The following NFKB1 variants were observed in gnomAD, a reference collection of about 807,000 sequenced individuals.
NFKB1 encodes nuclear factor NF-kappa-B p105 subunit.
NFKB1 carries 9 observed loss-of-function variants against 105.1 expected under a neutral mutation model. The ratio of observed to expected loss-of-function variants is 0.09; its 90% CI spans 0.05 to 0.15. The LOEUF (loss-of-function observed/expected upper bound fraction) is 0.15. Ranked by LOEUF, NFKB1 falls within the 10% of genes least tolerant of loss-of-function variation. The pLI is 1.00. For synonymous variants in NFKB1, 440 were observed against 442.2 expected (o/e 1.00, Z 0.06); for missense variants, 830 against 1,203.7 (o/e 0.69, Z 4.59).
At chr4:102,519,549 C>T (rs1740434320) in intron 1 of NFKB1, among the ~76,000 whole-genome samples, 1 of 151,740 alleles carries the variant, frequency 6.6e-6, no homozygotes, top group Non-Finnish European at 1.5e-5. Context: ...GTATTTTTAT[C>T]TTCATAGGTG....
intron 5 of NFKB1, among the ~76,000 whole-genome samples, chr4:102,559,778 T>C (rs1267475750): frequency 6.6e-6 from 1 of 150,520 alleles, no homozygotes; most frequent in Non-Finnish European, 1.5e-5. Flanking sequence ...TCTGTCTATA[T>C]GGAAAAAAAA....
intron 11 of NFKB1, among the ~76,000 whole-genome samples, chr4:102,587,850 A>C (rs1725840362): frequency 6.6e-6 from 1 of 152,196 alleles, no homozygotes; most frequent in African/African-American, 2.4e-5. Flanking sequence ...ACCAGGCAAT[A>C]TAACTGGTCA....
Position 102,537,899 on chromosome 4 carries a change from T to C in NFKB1, c.201T>C (p.His67=), listed in dbSNP as rs1741747740. 3.1e-6 allele frequency: 5 copies of C among 1,612,920 alleles called. No homozygotes were observed. In the South Asian group the frequency reaches 5.5e-5, roughly 18 times the overall value. Residue 67 remains histidine (H), a synonymous_variant, in exon 5 of 24, where the codon CAT becomes CAC. Transcript: ENST00000226574. ...GTTATGTATGTGAAGGCCCATCCCA[T>C]GGTGGACTACCTGGTGCCTCTAGTG... ...RFRYVCEGPS[H]GGLPGASSEK...
chr4:102,556,546 T>G (rs1723002441), intron 5 of NFKB1, among the ~76,000 whole-genome samples: 1 of 151,668 alleles, frequency 6.6e-6, no homozygotes, highest in South Asian at 2.1e-4. Flanking sequence ...CCCAAAGAGG[T>G]CAAGTAGGGT....
chr4:102,577,076 G>T lies in NFKB1; in HGVS notation c.571+37G>T, dbSNP rs541231003. On this transcript the variant is annotated intron_variant, in intron 7 of 23. Coordinates refer to ENST00000226574, the MANE Select transcript of NFKB1 (RefSeq NM_003998.4). Reference sequence around the variant, plus strand: ...TTTCCTGGCCTTGATCCTCCAAGGGGTCCAGGCTTTGGTTTTCATCTGTAT... The same window carrying T: ...TTTCCTGGCCTTGATCCTCCAAGGGTTCCAGGCTTTGGTTTTCATCTGTAT... 326 of 1,585,160 alleles carry T rather than the reference G, an allele frequency of 2.1e-4. 3 individuals carry two copies. The South Asian group carries it at 3.6e-3, about 17-fold the overall frequency.
chr4:102,562,376 T>G (rs771151195), intron 5 of NFKB1, among the ~76,000 whole-genome samples: 39 of 152,314 alleles, frequency 2.6e-4, no homozygotes, highest in Middle Eastern at 3.4e-3. Flanking sequence ...TTAGTGTCAG[T>G]CCCACTCTTT....
intron 4 of NFKB1, among the ~76,000 whole-genome samples, chr4:102,535,739 C>T (rs1019713614): frequency 2.0e-5 from 3 of 152,070 alleles, no homozygotes; most frequent in South Asian, 2.1e-4. Flanking sequence ...TTTAGATACT[C>T]GTATGTAACC....
At chr4:102,595,246 AC>A (rs1429358953) in intron 13 of NFKB1, among the ~76,000 whole-genome samples, 1 of 152,200 alleles carries the variant, frequency 6.6e-6, no homozygotes, top group Non-Finnish European at 1.5e-5. Flanking sequence ...GACAACAGAG[AC>A]CTGACTATTC....
intron 3 of NFKB1, among the ~76,000 whole-genome samples, chr4:102,530,830 AT>A (rs1741241870): frequency 6.6e-6 from 1 of 152,152 alleles, no homozygotes; most frequent in Non-Finnish European, 1.5e-5. Context: ...CTAGGAGTTC[AT>A]GGGAGGGAAA....
chr4:102,551,374 G>GCGCA (rs1553931314), intron 5 of NFKB1, among the ~76,000 whole-genome samples: 6 of 150,568 alleles, frequency 4.0e-5, no homozygotes, highest in African/African-American at 1.5e-4. Flanking sequence ...GTGTGCGCGC[G>GCGCA]CGCATGTGTG....
At chr4:102,510,925 TTG>T in intron 1 of NFKB1, 1 of 1,285,208 alleles carries the variant, frequency 7.8e-7, no homozygotes, top group Non-Finnish European at 1.0e-6. Flanking sequence ...GAAGCATATC[TTG>T]GAGATATGAA....
chr4:102,518,791 TA>T (rs1400466938), intron 1 of NFKB1, among the ~76,000 whole-genome samples: 1 of 152,198 alleles, frequency 6.6e-6, no homozygotes, highest in African/African-American at 2.4e-5. Context: ...CAGCTGGTGC[TA>T]GGGAGCCTCA....
In NFKB1 at chr4:102,606,559, G is replaced by T; in HGVS notation, c.1816G>T (p.Gly606Trp). ...EDVVEDLLRAGADLSLLDRLG... is the reference protein window; with the variant it reads ...EDVVEDLLRAWADLSLLDRLG... ...TGTGGTGGAGGATTTGCTGAGGGCTGGGGCCGACCTGAGCCTTCTGGACCG... is the reference window on the plus strand; with the variant it reads ...TGTGGTGGAGGATTTGCTGAGGGCTTGGGCCGACCTGAGCCTTCTGGACCG... Residue 606 changes from glycine to tryptophan, a missense_variant, in exon 17 of 24, where the codon GGG becomes TGG. By Grantham distance (184) the Gly-to-Trp change is radical. Around this residue, in one of 8 missense-constraint regions of NFKB1, gnomAD observed 418 missense variants for 575.3 expected, o/e 0.73. Transcript: ENST00000226574. 1 of 1,614,186 alleles carries T rather than the reference G, an allele frequency of 6.2e-7. No individual in the cohort carries two copies. The highest frequency in any genetic ancestry group is 8.5e-7 in the Non-Finnish European group (1 of 1,180,034).
At chr4:102,602,532 C>A (rs1485492663) in intron 16 of NFKB1, among the ~76,000 whole-genome samples, 3 of 147,372 alleles carry the variant, frequency 2.0e-5, no homozygotes, top group African/African-American at 5.1e-5. Context: ...GAGTGACGCT[C>A]TGTCTCAAAA....
At chr4:102,570,869 G>C (rs1196909159) in intron 6 of NFKB1, among the ~76,000 whole-genome samples, 2 of 152,134 alleles carry the variant, frequency 1.3e-5, no homozygotes, top group African/African-American at 4.8e-5. Flanking sequence ...CCATGCTCAT[G>C]GATAGGAAGA....
At chr4:102,603,955 G>A (rs556053797) in intron 16 of NFKB1, among the ~76,000 whole-genome samples, 13 of 152,164 alleles carry the variant, frequency 8.5e-5, no homozygotes, top group African/African-American at 1.4e-4. Flanking sequence ...CCACTCTATC[G>A]TGTTTGGTAT....
In NFKB1 at chr4:102,567,134, G is replaced by A. The variant is rs199574943; in HGVS notation, c.406G>A (p.Gly136Ser). The A allele has an allele frequency of 3.4e-5, 55 of 1,613,330 alleles. No individual in the cohort carries two copies. The highest frequency in any genetic ancestry group is 1.6e-4 in the East Asian group (7 of 44,872). The change falls in exon 6 of 24, where the codon GGC becomes AGC. Residue 136 changes from glycine to serine, a missense_variant and splice_region_variant. By Grantham distance (56) the Gly-to-Ser change is moderately conservative. Transcript: ENST00000226574. ...TGCTGGACCCAAGGACATGGTGGTC[G>A]GGTAAGTAGGGGTATATGATGCTGT... Reference protein sequence around the residue: ...VTAGPKDMVVGFANLGILHVT... With the variant: ...VTAGPKDMVVSFANLGILHVT...
rs981423130 is a variant in NFKB1 at position 102,609,635 on chromosome 4, G to C, written c.2228-940G>C. Among the ~76,000 whole-genome samples the C allele has an allele frequency of 2.9e-5, 3 of 103,284 alleles. No homozygotes were observed. The South Asian group carries it at 8.7e-4, about 30-fold the overall frequency. 67.8% of individuals were successfully genotyped at this position (103,284 alleles called of 152,430 possible). A position where few individuals can be genotyped will look rare whatever the true frequency, so the allele number is the denominator to read the frequency against. ...TCAAAAAAAAAAAAAAAAAAAAAAA[G>C]CGTCAGTTAAGAGATAGCTCATCCC... is the stretch of plus-strand genomic sequence containing the variant. On this transcript the variant is annotated intron_variant, in intron 19 of 23. Transcript: ENST00000226574.
At chr4:102,600,746 T>G in intron 15 of NFKB1, 149 bp from the exon 16 acceptor site, 1 of 631,340 alleles carries the variant, frequency 1.6e-6, no homozygotes, top group Non-Finnish European at 2.8e-6. Context: ...CACCTCAGAT[T>G]CAATGCATTT....
Sources: allele counts gnomAD v4.1 joint callset (sites outside exome capture counted in the v4.1 genomes callset), GRCh38; gene constraint gnomAD v4.1.1; regional missense constraint gnomAD v4.1.1; transcripts MANE v1.5; gene names NCBI Gene and HGNC (gene_info 2026-07-23, HGNC 2026-07-21).